The following C3orf22 variants were observed in gnomAD, a reference collection of about 807,000 sequenced individuals.
C3orf22 encodes uncharacterized protein C3orf22.
C3orf22 carries 7 observed loss-of-function variants against 10.8 expected under a neutral mutation model. The ratio of observed to expected loss-of-function variants is 0.65; its 90% CI spans 0.37 to 1.22. The LOEUF (loss-of-function observed/expected upper bound fraction) is 1.22, where lower values mean the gene tolerates loss of function less well. Among genes scored for constraint, C3orf22 ranks in the 50% most tolerant of loss-of-function variants. C3orf22 has a pLI of 0.02. For synonymous variants in C3orf22, 79 were observed against 78.9 expected (o/e 1.00, Z 0.00); for missense variants, 173 against 177.0 (o/e 0.98, Z 0.13).
downstream of C3orf22, among the ~76,000 whole-genome samples, chr3:126,546,276 T>G (rs1300120713): frequency 1.3e-5 from 2 of 152,224 alleles, no homozygotes; most frequent in Non-Finnish European, 2.9e-5. Flanking sequence ...AGTCGGGCGA[T>G]AAATGCTCCA....
At chr3:126,546,630 C>G (rs957361783), downstream of C3orf22, among the ~76,000 whole-genome samples, 1 of 152,158 alleles carries the variant, frequency 6.6e-6, no homozygotes, top group Non-Finnish European at 1.5e-5. Context: ...AAGAGAGCCC[C>G]CATCAGGGAA....
chr3:126,553,275 G>C (rs781242429), intron 2 of C3orf22, 27 bp downstream of exon 2: 1 of 1,524,950 alleles, frequency 6.6e-7, no homozygotes, highest in Non-Finnish European at 9.1e-7. Flanking sequence ...GGCAGGGCTT[G>C]TCTCCAGAGG....
At chr3:126,530,075 A>G (rs1336437273) in intron 4 of C3orf22, among the ~76,000 whole-genome samples, 1 of 152,216 alleles carries the variant, frequency 6.6e-6, no homozygotes, top group Admixed American at 6.5e-5. Flanking sequence ...CAGCTGGCCA[A>G]GTCAGGATTG....
chr3:126,541,057 C>A (rs529977336), intron 4 of C3orf22, among the ~76,000 whole-genome samples: 109 of 152,282 alleles, frequency 7.2e-4, no homozygotes, highest in African/African-American at 2.3e-3. Flanking sequence ...TGGCCTGGGT[C>A]TCTACATGGC....
At chr3:126,549,437 T>G (rs1306340015), downstream of C3orf22, 2 of 424,288 alleles carry the variant, frequency 4.7e-6, no homozygotes, top group Non-Finnish European at 9.4e-6. Context: ...GGAGTAGTTG[T>G]ATAATTTAGC....
intron 4 of C3orf22, chr3:126,541,949 G>A (rs1205673118): frequency 1.9e-6 from 3 of 1,587,662 alleles, no homozygotes; most frequent in Non-Finnish European, 1.7e-6. Flanking sequence ...CCAAGCCCGC[G>A]GCGACCCGCG....
downstream of C3orf22, among the ~76,000 whole-genome samples, chr3:126,549,032 G>A (rs11713326): frequency 0.78 from 118,323 of 152,120 alleles, 47,128 homozygotes; most frequent in Middle Eastern, 0.87. Context: ...TCTTCAGCAG[G>A]CACCCCGCTG....
downstream of C3orf22, among the ~76,000 whole-genome samples, chr3:126,546,965 T>G (rs1937079571): frequency 6.6e-6 from 1 of 152,174 alleles, no homozygotes; most frequent in South Asian, 2.1e-4. Flanking sequence ...GTTCCACTGG[T>G]CTTAAATGCT....
chr3:126,542,854 G>A, intron 4 of C3orf22: 1 of 351,346 alleles, frequency 2.8e-6, no homozygotes, highest in East Asian at 5.0e-5. Context: ...CCGTAGATGG[G>A]CAAGGACTTG....
At chr3:126,538,669 G>A (rs572555350) in intron 4 of C3orf22, among the ~76,000 whole-genome samples, 8 of 152,282 alleles carry the variant, frequency 5.3e-5, no homozygotes, top group Non-Finnish European at 1.0e-4. Context: ...TGTGGGCCCC[G>A]GGGGCACAGC....
chr3:126,553,421 T>C lies in C3orf22; in HGVS notation c.-31A>G, dbSNP rs751851777. 9 of 1,564,618 alleles carry C rather than the reference T, an allele frequency of 5.8e-6. No homozygotes were observed. The highest frequency in any genetic ancestry group is 1.7e-5 in the Admixed American group (1 of 58,958). ...AGTGGGTTAAGCTGAGGCACACCTC[T>C]CAGCCATGGCTGGAAGACAAGAGGA... On this transcript the variant is annotated 5_prime_UTR_variant, in exon 2 of 4. Coordinates refer to ENST00000318225, the MANE Select transcript of C3orf22 (RefSeq NM_152533.3).
At position 126,549,890 on chromosome 3, in the gene C3orf22, C is replaced by T. The variant is rs1480513507; in HGVS notation, c.404G>A (p.Gly135Glu). 6.2e-7 allele frequency: 1 copy of T among 1,613,524 alleles called. No individual in the cohort carries two copies. The change falls in exon 4 of 4, where the codon GGG (glycine) becomes GAG (glutamate). Residue 135 changes from glycine to glutamate, a missense_variant. Gly to Glu is a moderately conservative substitution (Grantham distance 98). Coordinates refer to ENST00000318225, the MANE Select transcript of C3orf22 (RefSeq NM_152533.3). ...TCTCTAGGAGAGGCCCCTGGACAGC[C>T]CTGCCGCCTTGCTGGTCTGGGGGCA... ...AACPQTSKAA[G>E]LSRGLS
intron 1 of C3orf22, among the ~76,000 whole-genome samples, chr3:126,557,242 C>T (rs1441972261): frequency 2.0e-5 from 3 of 152,236 alleles, no homozygotes; most frequent in Non-Finnish European, 4.4e-5. Flanking sequence ...CCTGGGAGCT[C>T]CTCGCTTCCT....
chr3:126,556,763 T>G (rs1272937055), intron 1 of C3orf22, among the ~76,000 whole-genome samples: 3 of 133,380 alleles, frequency 2.2e-5, no homozygotes, highest in African/African-American at 5.7e-5. Flanking sequence ...ATACGCACAC[T>G]CACACAGACT....
chr3:126,549,262 C>A (rs3732535), downstream of C3orf22, among the ~76,000 whole-genome samples: 8,597 of 148,130 alleles, frequency 0.058, 299 homozygotes, highest in Middle Eastern at 0.071. Context: ...CCCCCCCCCC[C>A]ACACACACAC....
chr3:126,529,269 C>T (rs1005031421), exon 5 of C3orf22: 4 of 1,242,528 alleles, frequency 3.2e-6, no homozygotes, highest in African/African-American at 1.5e-5. Context: ...ATGACGTGTG[C>T]GGGTGTCCTG....
intron 4 of C3orf22, chr3:126,536,222 T>C (rs1436416954): frequency 4.5e-6 from 7 of 1,551,354 alleles, no homozygotes; most frequent in East Asian, 2.2e-5. Flanking sequence ...CCCAGGTCCA[T>C]GCAAGTCCCT....
chr3:126,535,283 T>A (rs1366039290), intron 4 of C3orf22, among the ~76,000 whole-genome samples: 1 of 121,486 alleles, frequency 8.2e-6, no homozygotes, highest in Non-Finnish European at 1.7e-5. Flanking sequence ...TGTCCTCAGC[T>A]GGAGAAAGAC....
downstream of C3orf22, among the ~76,000 whole-genome samples, chr3:126,545,267 T>C (rs1248729573): frequency 1.3e-5 from 2 of 152,278 alleles, no homozygotes; most frequent in African/African-American, 4.8e-5. Context: ...AATTGTCTTT[T>C]ACTTCCCAGG....
Sources: allele counts gnomAD v4.1 joint callset (sites outside exome capture counted in the v4.1 genomes callset), GRCh38; gene constraint gnomAD v4.1.1; transcripts MANE v1.5; gene names NCBI Gene and HGNC (gene_info 2026-07-23, HGNC 2026-07-21).